The following SIPA1L3 variants were observed in gnomAD, a reference collection of about 807,000 sequenced individuals.
SIPA1L3 encodes the protein signal-induced proliferation-associated 1-like protein 3.
A neutral mutation model predicts 150.1 loss-of-function variants in SIPA1L3; 59 were observed. The observed-to-expected ratio is 0.39, with a 90% CI of 0.32 to 0.49. The LOEUF (loss-of-function observed/expected upper bound fraction) is 0.49. Among genes scored for constraint, SIPA1L3 ranks in the 20% least tolerant of loss-of-function variants. The probability of loss-of-function intolerance (pLI) is 0.86; values close to 1 mark genes in which losing one functional copy is unlikely to be tolerated. For synonymous variants in SIPA1L3, 1,070 were observed against 1,077.6 expected (o/e 0.99, Z 0.14); for missense variants, 2,211 against 2,489.5 (o/e 0.89, Z 2.38).
rs565704992 is a variant in SIPA1L3 at position 38,003,492 on chromosome 19, T to A, written c.-378-25597T>A. On this transcript the variant is annotated intron_variant, in intron 1 of 21. Transcript: ENST00000222345. ...GAATGATTCCGGCTGTGGGCAGGGATCCCCAGATGGGCGTTGCTATGGAAG... is the reference window on the plus strand; with the variant it reads ...GAATGATTCCGGCTGTGGGCAGGGAACCCCAGATGGGCGTTGCTATGGAAG... Among the ~76,000 whole-genome samples the A allele has an allele frequency of 9.2e-4, 140 of 152,298 alleles. 2 individuals carry two copies. The South Asian group carries it at 0.028, about 30-fold the overall frequency.
At chr19:38,160,604 C>T (rs1376683410) in intron 13 of SIPA1L3, among the ~76,000 whole-genome samples, 1 of 151,316 alleles carries the variant, frequency 6.6e-6, no homozygotes, top group Non-Finnish European at 1.5e-5. Flanking sequence ...GGGGTTTCAC[C>T]ATGTTGGACA....
chr19:38,072,660 G>A (rs1408873638), intron 2 of SIPA1L3, among the ~76,000 whole-genome samples: 2 of 152,268 alleles, frequency 1.3e-5, no homozygotes, highest in Admixed American at 1.3e-4. Flanking sequence ...AGGCCACATG[G>A]GTTGCTCCAG....
chr19:37,942,093 T>G (rs1029589587), intron 1 of SIPA1L3, among the ~76,000 whole-genome samples: 12 of 152,228 alleles, frequency 7.9e-5, no homozygotes, highest in African/African-American at 1.9e-4. Context: ...ACTCATTCAT[T>G]CATTCCATTG....
chr19:38,096,646 G>A (rs1970386209), intron 4 of SIPA1L3, among the ~76,000 whole-genome samples: 1 of 152,134 alleles, frequency 6.6e-6, no homozygotes, highest in East Asian at 1.9e-4. Flanking sequence ...TTGGTGTGGT[G>A]CTGGTCCAGT....
At chr19:38,076,151 A>G (rs546574605) in intron 2 of SIPA1L3, among the ~76,000 whole-genome samples, 1 of 152,006 alleles carries the variant, frequency 6.6e-6, no homozygotes, top group Admixed American at 6.6e-5. Context: ...AAAAATAATA[A>G]TAATAATAAA....
chr19:38,178,717 C>CT (rs1490769815), intron 15 of SIPA1L3, among the ~76,000 whole-genome samples: 1 of 152,110 alleles, frequency 6.6e-6, no homozygotes, highest in African/African-American at 2.4e-5. Flanking sequence ...ACCTCATGAT[C>CT]TGCCCGTCTT....
intron 8 of SIPA1L3, among the ~76,000 whole-genome samples, chr19:38,115,491 C>A (rs1323798276): frequency 6.6e-6 from 1 of 152,196 alleles, no homozygotes; most frequent in Non-Finnish European, 1.5e-5. Flanking sequence ...ACCACCAGAT[C>A]AGATCATTAA....
intron 1 of SIPA1L3, among the ~76,000 whole-genome samples, chr19:37,917,860 C>G (rs976061213): frequency 2.0e-5 from 3 of 152,014 alleles, no homozygotes; most frequent in African/African-American, 7.2e-5. Context: ...AAAAAATTAG[C>G]TGGGTATGGT....
intron 9 of SIPA1L3, among the ~76,000 whole-genome samples, chr19:38,129,090 A>G (rs951412039): frequency 6.6e-6 from 1 of 152,152 alleles, no homozygotes; most frequent in Non-Finnish European, 1.5e-5. Context: ...CTTAATAGCC[A>G]TGGCTGGTTA....
chr19:38,194,586 T>C (rs146486571), intron 18 of SIPA1L3, among the ~76,000 whole-genome samples: 68 of 152,276 alleles, frequency 4.5e-4, no homozygotes, highest in Non-Finnish European at 8.7e-4. Flanking sequence ...GCACACTTAC[T>C]CTCTCAAATC....
chr19:37,994,118 T>G (rs1353592409), intron 1 of SIPA1L3, among the ~76,000 whole-genome samples: 2 of 152,098 alleles, frequency 1.3e-5, no homozygotes, highest in Admixed American at 1.3e-4. Flanking sequence ...TCCAGACTGG[T>G]ATTGAACTTC....
chr19:38,078,668 T>C (rs1325388457), intron 2 of SIPA1L3, among the ~76,000 whole-genome samples: 1 of 151,986 alleles, frequency 6.6e-6, no homozygotes, highest in African/African-American at 2.4e-5. Context: ...TAGCCATTGA[T>C]CAAGAACGGC....
At chr19:37,942,963 C>T (rs1161046353) in intron 1 of SIPA1L3, among the ~76,000 whole-genome samples, 3 of 151,552 alleles carry the variant, frequency 2.0e-5, no homozygotes, top group East Asian at 1.9e-4. Flanking sequence ...CCTTCTGCCT[C>T]GGCCTCCCAA....
At chr19:38,123,020 A>G (rs1339112961) in intron 9 of SIPA1L3, among the ~76,000 whole-genome samples, 1 of 152,168 alleles carries the variant, frequency 6.6e-6, no homozygotes, top group Admixed American at 6.5e-5. Flanking sequence ...GGTGCACAGT[A>G]GCCGCTGAGT....
At chr19:38,151,353 G>A (rs12980318) in intron 12 of SIPA1L3, among the ~76,000 whole-genome samples, 3 of 152,232 alleles carry the variant, frequency 2.0e-5, no homozygotes, top group African/African-American at 7.2e-5. Flanking sequence ...TCAGGACCCA[G>A]GCTACCCAGG....
At chr19:38,002,078 C>T (rs1967818790) in intron 1 of SIPA1L3, among the ~76,000 whole-genome samples, 1 of 152,132 alleles carries the variant, frequency 6.6e-6, no homozygotes, top group Non-Finnish European at 1.5e-5. Context: ...AAAAATGTAC[C>T]TTACGTGTGC....
At chr19:38,016,073 G>A (rs1004536995) in intron 1 of SIPA1L3, among the ~76,000 whole-genome samples, 11 of 152,094 alleles carry the variant, frequency 7.2e-5, no homozygotes, top group African/African-American at 2.7e-4. Flanking sequence ...CATTGGCCCT[G>A]GACTTCACTT....
chr19:38,036,786 G>A (rs138611801), intron 2 of SIPA1L3, among the ~76,000 whole-genome samples: 342 of 152,244 alleles, frequency 2.2e-3, no homozygotes, highest in African/African-American at 8.0e-3. Context: ...GCTTAACCTT[G>A]TACCTCAGGG....
At chr19:38,133,293 C>G (rs1390671911) in intron 10 of SIPA1L3, among the ~76,000 whole-genome samples, 1 of 152,230 alleles carries the variant, frequency 6.6e-6, no homozygotes, top group East Asian at 1.9e-4. Context: ...CTAGGCCCTG[C>G]CTAGATCCAT....
Sources: allele counts gnomAD v4.1 joint callset (sites outside exome capture counted in the v4.1 genomes callset), GRCh38; gene constraint gnomAD v4.1.1; transcripts MANE v1.5; gene names NCBI Gene and HGNC (gene_info 2026-07-23, HGNC 2026-07-21).